GNB4: variants seen among roughly 807,000 people sequenced by gnomAD.
GNB4 encodes the protein G protein subunit beta 4.
Under a neutral mutation model 45.2 loss-of-function variants are expected in GNB4, and 28 were observed. That is an observed-to-expected ratio of 0.62 (90% CI 0.46 to 0.85). The LOEUF (loss-of-function observed/expected upper bound fraction) is 0.85. GNB4 is among the 40% of genes least tolerant of loss of function. The probability of loss-of-function intolerance (pLI) is 0.00; values close to 1 mark genes in which losing one functional copy is unlikely to be tolerated. For synonymous variants in GNB4, 132 were observed against 143.7 expected (o/e 0.92, Z 0.58); for missense variants, 321 against 425.4 (o/e 0.75, Z 2.16).
chr3:179,460,960 G>C, the GNB4 span, among the ~76,000 whole-genome samples: 14 of 152,240 alleles, frequency 9.2e-5, 2 homozygotes, highest in East Asian at 5.8e-4. Context: ...GAAATCAATG[G>C]TCACCATCGA....
rs1714751331 is a variant in GNB4, at chr3:179,414,872, T to C, written c.430+13A>G. ...GAATCGTGTGGTGGGAAAGAATATT[T>C]AGGGAAGCTCACCTGTGTGACCTGG... is the stretch of plus-strand genomic sequence containing the variant. On this transcript the variant is annotated intron_variant, in intron 6 of 9. Coordinates refer to ENST00000232564, the MANE Select transcript of GNB4 (RefSeq NM_021629.4). 3.9e-6 allele frequency: 6 copies of C among 1,557,252 alleles called. No homozygotes were observed. Among genetic ancestry groups the C allele is most frequent in the East Asian group, 2.3e-5 (1 of 43,958 alleles).
chr3:179,455,558 C>G (rs766215998), upstream of GNB4, among the ~76,000 whole-genome samples: 1 of 152,200 alleles, frequency 6.6e-6, no homozygotes, highest in Non-Finnish European at 1.5e-5. Flanking sequence ...ATCGTGGACT[C>G]TTGCCCTGTA....
intron 3 of GNB4, among the ~76,000 whole-genome samples, chr3:179,420,283 C>T (rs928260314): frequency 1.3e-5 from 2 of 149,746 alleles, no homozygotes; most frequent in East Asian, 1.9e-4. Flanking sequence ...CAGGCACCAC[C>T]ATGACCAGCT....
chr3:179,419,555 A>G, intron 3 of GNB4, 50 bp from the exon 4 acceptor site: 1 of 1,113,612 alleles, frequency 9.0e-7, no homozygotes, highest in Non-Finnish European at 1.4e-6. Context: ...ATAGTTCATG[A>G]GATAACTTGA....
At chr3:179,454,820 G>T (rs1486276049), upstream of GNB4, among the ~76,000 whole-genome samples, 4 of 151,808 alleles carry the variant, frequency 2.6e-5, no homozygotes, top group Admixed American at 2.0e-4. Context: ...TACCGTAACA[G>T]ATTTTATTTC....
chr3:179,421,079 A>G, intron 2 of GNB4, 152 bp from the exon 3 acceptor site: 1 of 588,522 alleles, frequency 1.7e-6, no homozygotes, highest in Non-Finnish European at 3.0e-6. Context: ...ACATAACCTA[A>G]ATCAAACCAT....
chr3:179,405,334 C>T lies in GNB4; in HGVS notation c.772G>A (p.Asp258Asn), dbSNP rs779884050. ...ATCRLFDLRA[D>N]QELLLYSHDN... Reference sequence around the variant, plus strand: ...TGAGAATACAATAATAACTCTTGATCTGCACGAAGGTCAAAGAGCCGGCAA... The same window carrying T: ...TGAGAATACAATAATAACTCTTGATTTGCACGAAGGTCAAAGAGCCGGCAA... Residue 258 changes from aspartate (D) to asparagine (N), a missense_variant, in exon 9 of 10, where the codon GAT becomes AAT. Coordinates refer to ENST00000232564, the MANE Select transcript of GNB4 (RefSeq NM_021629.4). The T allele has an allele frequency of 6.2e-7, 1 of 1,614,108 alleles. No individual in the cohort carries two copies. Among genetic ancestry groups the T allele is most frequent in the South Asian group, 1.1e-5 (1 of 91,066 alleles).
At chr3:179,468,035 A>AAAAAAAAAAATATATATATATATAT in the GNB4 span, among the ~76,000 whole-genome samples, 101 of 89,848 alleles carry the variant, frequency 1.1e-3, 3 homozygotes, top group African/African-American at 3.8e-3. Flanking sequence ...TGTTGATAAA[A>AAAAAAAAAAATATATATATATATAT]ATATATATAT....
rs551025228 is a variant in GNB4 at position 179,397,106 on chromosome 3, T to A, written c.*4107A>T. The A allele has an allele frequency of 5.9e-5, 9 of 152,340 alleles. No homozygotes were observed. The highest frequency in any genetic ancestry group is 2.2e-4 in the African/African-American group (9 of 41,586). 9.4% of individuals were successfully genotyped at this position (152,340 alleles called of 1,614,324 possible). On this transcript the variant is annotated 3_prime_UTR_variant, in exon 10 of 10. Transcript: ENST00000232564. ...TTCAGCCTGACTCCGACCCTGAAGA[T>A]TTCAGAAAGAACATCGTCACTATTA...
rs778880529 is a variant in GNB4 at position 179,405,319 on chromosome 3, A to G, written c.787T>C (p.Leu263=). 6.2e-7 allele frequency: 1 copy of G among 1,614,172 alleles called. No individual in the cohort carries two copies. The highest frequency in any genetic ancestry group is 8.5e-7 in the Non-Finnish European group (1 of 1,179,972). ...CAGATGATATTGTCATGAGAATACA[A>G]TAATAACTCTTGATCTGCACGAAGG... The part of the protein sequence containing the change: ...FDLRADQELL[L]YSHDNIICGI... The change falls in exon 9 of 10, where the codon TTG becomes CTG. Residue 263 remains leucine (L), a synonymous_variant. Coordinates refer to ENST00000232564, the MANE Select transcript of GNB4 (RefSeq NM_021629.4).
chr3:179,418,347 G>A (rs1714863765), intron 4 of GNB4, among the ~76,000 whole-genome samples: 1 of 151,446 alleles, frequency 6.6e-6, no homozygotes, highest in South Asian at 2.1e-4. Flanking sequence ...GTGGATGTCT[G>A]TAATCCCAGC....
Position 179,398,518 on chromosome 3 carries a change from G to T in GNB4, c.*2695C>A, listed in dbSNP as rs1472037157. 7.2e-6 allele frequency: 1 copy of T among 138,458 alleles called. No individual in the cohort carries two copies. The highest frequency in any genetic ancestry group is 2.0e-4 in the East Asian group (1 of 4,994). The allele number at this position is 138,458 out of a possible 1,614,324, so 8.6% of individuals were successfully genotyped here. A position where few individuals can be genotyped will look rare whatever the true frequency, so the allele number is the denominator to read the frequency against. On this transcript the variant is annotated 3_prime_UTR_variant, in exon 10 of 10. Transcript: ENST00000232564. The stretch of plus-strand genomic sequence containing the variant: ...AGCCTGGGTGACAGAGTGAGACTCT[G>T]TCTTTAAAAAAAAAAAAAAAGGAAC...
chr3:179,435,252 T>C (rs1715413020), intron 1 of GNB4, among the ~76,000 whole-genome samples: 1 of 152,170 alleles, frequency 6.6e-6, no homozygotes, highest in Non-Finnish European at 1.5e-5. Flanking sequence ...TATTGAAACT[T>C]CATTCCTAAG....
chr3:179,435,978 T>C (rs1715436026), intron 1 of GNB4, among the ~76,000 whole-genome samples: 1 of 152,206 alleles, frequency 6.6e-6, no homozygotes, highest in Non-Finnish European at 1.5e-5. Flanking sequence ...TACTGCTGTG[T>C]TAGTGAACAC....
chr3:179,464,866 G>T, the GNB4 span: 1 of 1,380,632 alleles, frequency 7.2e-7, no homozygotes, highest in East Asian at 2.3e-5. Context: ...CCATGTTACC[G>T]GCTACCCCAT....
chr3:179,453,438 G>C (rs142071350), upstream of GNB4, among the ~76,000 whole-genome samples: 931 of 152,246 alleles, frequency 6.1e-3, 10 homozygotes, highest in African/African-American at 0.021. Flanking sequence ...TCTTTCTTTA[G>C]ATTCTTTTCT....
rs534218124 is a variant in GNB4, at chr3:179,406,068, T to C, written c.700-662A>G. On this transcript the variant is annotated intron_variant, in intron 8 of 9. Transcript: ENST00000232564. ...TTTTGTTTTATGAATTTCAATGTTA[T>C]AGCATCACTACTGTCCCTTTCATTA... 3.9e-5 allele frequency: 6 copies of C among 152,322 alleles called. 1 individual carries two copies. The East Asian group carries it at 1.2e-3, about 29-fold the overall frequency. 9.4% of individuals were successfully genotyped at this position (152,322 alleles called of 1,614,324 possible). A position where few individuals can be genotyped will look rare whatever the true frequency, so the allele number is the denominator to read the frequency against.
At chr3:179,520,698 C>T in the GNB4 span, among the ~76,000 whole-genome samples, 6 of 152,108 alleles carry the variant, frequency 3.9e-5, no homozygotes, top group African/African-American at 1.2e-4. Flanking sequence ...TTGTTCCTGG[C>T]CCAGACTTCA....
the GNB4 span, among the ~76,000 whole-genome samples, chr3:179,466,767 T>C: frequency 7.7e-4 from 118 of 152,340 alleles, no homozygotes; most frequent in East Asian, 0.013. Flanking sequence ...TTTGTGTATA[T>C]ACAAAATATA....
Sources: gnomAD v4.1 joint callset for allele counts (sites outside exome capture counted in the v4.1 genomes callset) on GRCh38, gnomAD v4.1.1 for gene constraint, MANE v1.5 for transcripts, NCBI Gene and HGNC (gene_info 2026-07-23, HGNC 2026-07-21) for gene names.